The following TBC1D22A variants were observed in gnomAD, a reference collection of about 807,000 sequenced individuals.
TBC1D22A encodes the protein putative GTPase activator.
Under a neutral mutation model 60.2 loss-of-function variants are expected in TBC1D22A, and 38 were observed. That is an observed-to-expected ratio of 0.63 (90% CI 0.49 to 0.83). The LOEUF (loss-of-function observed/expected upper bound fraction) is 0.83. Ranked by LOEUF, TBC1D22A falls within the 40% of genes least tolerant of loss-of-function variation. The pLI is 0.00. For synonymous variants in TBC1D22A, 302 were observed against 281.7 expected (o/e 1.07, Z -0.72); for missense variants, 628 against 701.0 (o/e 0.90, Z 1.18).
chr22:46,865,376 A>T (rs2067001729), intron 4 of TBC1D22A, among the ~76,000 whole-genome samples: 1 of 152,212 alleles, frequency 6.6e-6, no homozygotes, highest in African/African-American at 2.4e-5. Flanking sequence ...TTTAGGTCAG[A>T]TATTTATTTT....
intron 10 of TBC1D22A, among the ~76,000 whole-genome samples, chr22:47,010,817 T>C (rs2061729600): frequency 6.6e-6 from 1 of 150,860 alleles, no homozygotes. Context: ...GAGGGATGCA[T>C]ATAGAACAAC....
intron 4 of TBC1D22A, among the ~76,000 whole-genome samples, chr22:46,849,016 C>T (rs1210214305): frequency 1.3e-5 from 2 of 152,134 alleles, no homozygotes; most frequent in African/African-American, 4.8e-5. Flanking sequence ...ACATGGTTCA[C>T]AGATCACCCT....
intron 10 of TBC1D22A, among the ~76,000 whole-genome samples, chr22:47,008,220 G>A (rs936657510): frequency 1.3e-5 from 2 of 152,190 alleles, no homozygotes; most frequent in African/African-American, 2.4e-5. Flanking sequence ...GGCTATTGAC[G>A]AAATGAGATC....
At chr22:47,033,070 T>C (rs1007043902) in intron 10 of TBC1D22A, among the ~76,000 whole-genome samples, 2 of 152,242 alleles carry the variant, frequency 1.3e-5, no homozygotes, top group Non-Finnish European at 2.9e-5. Context: ...AAGAGCCTTG[T>C]TGAGTAAATG....
intron 4 of TBC1D22A, among the ~76,000 whole-genome samples, chr22:46,819,297 C>G (rs1184681603): frequency 6.6e-6 from 1 of 152,216 alleles, no homozygotes; most frequent in Non-Finnish European, 1.5e-5. Context: ...GAGAGGGCAT[C>G]CTTGTCTTGT....
Position 46,762,802 on chromosome 22 carries a change from G to A in TBC1D22A, c.16G>A (p.Ala6Thr), listed in dbSNP as rs1472328052. ...AGGAGGGGCCATGGCCAGCGACGGG[G>A]CCAGGAAGCAATTCTGGAAGCGCAG... MASDGARKQFWKRSNS... is the reference protein window; with the variant it reads MASDGTRKQFWKRSNS... Residue 6 changes from alanine to threonine, a missense_variant, in exon 1 of 13, where the codon GCC becomes ACC. Coordinates refer to ENST00000337137, the MANE Select transcript of TBC1D22A (RefSeq NM_014346.5). The A allele has an allele frequency of 3.4e-6, 5 of 1,455,362 alleles. No homozygotes were observed. Among genetic ancestry groups the A allele is most frequent in the Admixed American group, 6.9e-5 (2 of 28,792 alleles). 90.2% of individuals were successfully genotyped at this position (1,455,362 alleles called of 1,614,324 possible).
chr22:46,965,907 C>A (rs2073778561), intron 8 of TBC1D22A, among the ~76,000 whole-genome samples: 2 of 152,190 alleles, frequency 1.3e-5, no homozygotes, highest in Admixed American at 1.3e-4. Flanking sequence ...CCGCCTGTGC[C>A]CACCTCGTTT....
At chr22:46,910,049 T>G (rs1156480155) in intron 7 of TBC1D22A, among the ~76,000 whole-genome samples, 1 of 152,240 alleles carries the variant, frequency 6.6e-6, no homozygotes, top group African/African-American at 2.4e-5. Context: ...TGGCACTGTG[T>G]TGTTGAGTGG....
intron 11 of TBC1D22A, among the ~76,000 whole-genome samples, chr22:47,071,716 G>A (rs535823346): frequency 1.8e-4 from 27 of 152,328 alleles, no homozygotes; most frequent in Non-Finnish European, 3.5e-4. Context: ...GCTGTGGTTT[G>A]TTGCGGTTCT....
intron 11 of TBC1D22A, among the ~76,000 whole-genome samples, chr22:47,045,592 A>T (rs2063005087): frequency 1.3e-5 from 2 of 152,224 alleles, no homozygotes; most frequent in Non-Finnish European, 2.9e-5. Context: ...CATGCAGCAG[A>T]ACGGGCAGTG....
At position 47,120,226 on chromosome 22, in the gene TBC1D22A, C is replaced by T. The variant is rs575902565; in HGVS notation, c.1425+8623C>T. ...CCTGAGTTTAATGAAAAGAAAAAAA[C>T]TTCTGCCCTTAAGTAGAACTAAAAT... On this transcript the variant is annotated intron_variant, in intron 12 of 12. Coordinates refer to ENST00000337137, the MANE Select transcript of TBC1D22A (RefSeq NM_014346.5). 3.9e-5 allele frequency among the ~76,000 whole-genome samples: 6 copies of T among 152,266 alleles called. No homozygotes were observed. In the East Asian group the frequency reaches 9.7e-4, roughly 25 times the overall value.
chr22:47,093,466 G>A (rs540420774), intron 11 of TBC1D22A, among the ~76,000 whole-genome samples: 4 of 152,158 alleles, frequency 2.6e-5, no homozygotes, highest in Admixed American at 2.6e-4. Context: ...GAGCAGGTTG[G>A]GGGAGGGGGC....
chr22:46,857,927 G>C (rs1201008399), intron 4 of TBC1D22A, among the ~76,000 whole-genome samples: 1 of 152,164 alleles, frequency 6.6e-6, no homozygotes, highest in Admixed American at 6.5e-5. Context: ...TATGCAGACT[G>C]CTGCTATGGA....
At chr22:46,779,442 A>T (rs1265757411) in intron 1 of TBC1D22A, among the ~76,000 whole-genome samples, 2 of 152,088 alleles carry the variant, frequency 1.3e-5, no homozygotes, top group Non-Finnish European at 2.9e-5. Context: ...TATTTTTAGT[A>T]GAGACGGGGT....
At chr22:46,928,565 T>C (rs2071177477) in intron 8 of TBC1D22A, among the ~76,000 whole-genome samples, 1 of 152,144 alleles carries the variant, frequency 6.6e-6, no homozygotes, top group African/African-American at 2.4e-5. Context: ...ATAGATAAAT[T>C]GGATTTCATC....
At chr22:47,167,515 T>C (rs561545062) in intron 12 of TBC1D22A, among the ~76,000 whole-genome samples, 1 of 152,292 alleles carries the variant, frequency 6.6e-6, no homozygotes, top group South Asian at 2.1e-4. Flanking sequence ...GCATTACAGC[T>C]CTTTTGCTCT....
chr22:46,940,727 G>GT (rs1177881552), intron 8 of TBC1D22A, among the ~76,000 whole-genome samples: 2 of 127,084 alleles, frequency 1.6e-5, no homozygotes, highest in African/African-American at 5.9e-5. Flanking sequence ...CACACACACA[G>GT]TCCACCCTTG....
intron 12 of TBC1D22A, among the ~76,000 whole-genome samples, chr22:47,147,960 G>A (rs1761219773): frequency 6.6e-6 from 1 of 152,152 alleles, no homozygotes; most frequent in Admixed American, 6.5e-5. Context: ...GCTGCTCCTG[G>A]GAGGGCTGGG....
Position 47,052,897 on chromosome 22 carries a change from G to A in TBC1D22A, c.1329+15699G>A, listed in dbSNP as rs146580096. On this transcript the variant is annotated intron_variant, in intron 11 of 12. Transcript: ENST00000337137. ...CATGGCTGGCCCTCTGTGGTACCCG[G>A]TATCCCCGTGTTGATGGTCTTGGGG... Among the ~76,000 whole-genome samples the A allele has an allele frequency of 7.0e-3, 1,072 of 152,358 alleles. 20 individuals carry two copies. The highest frequency in any genetic ancestry group is 0.024 in the African/African-American group (1,000 of 41,588).
Sources: gnomAD v4.1 joint callset for allele counts (sites outside exome capture counted in the v4.1 genomes callset) on GRCh38, gnomAD v4.1.1 for gene constraint, MANE v1.5 for transcripts, NCBI Gene and HGNC (gene_info 2026-07-23, HGNC 2026-07-21) for gene names.